The following CABCOCO1 variants were observed in gnomAD, a reference collection of about 807,000 sequenced individuals.
CABCOCO1 encodes ciliary-associated calcium-binding coiled-coil protein 1.
CABCOCO1 carries 28 observed loss-of-function variants against 35.7 expected under a neutral mutation model. The observed-to-expected ratio is 0.78, with a 90% CI of 0.58 to 1.07. CABCOCO1 has a LOEUF of 1.07. CABCOCO1 is among the 50% of genes least tolerant of loss of function. CABCOCO1 has a pLI of 0.00. For synonymous variants in CABCOCO1, 95 were observed against 100.1 expected (o/e 0.95, Z 0.30); for missense variants, 326 against 309.2 (o/e 1.05, Z -0.41).
In CABCOCO1 at chr10:61,678,223, T is replaced by C. The variant is rs191068480; in HGVS notation, c.165-2920T>C. ...ATATATTGGGTCTGTTTCTGGACTT[T>C]CTGCGTATTCCACTGGCCTACTTAT... On this transcript the variant is annotated intron_variant, in intron 2 of 7. Coordinates refer to ENST00000648843, the MANE Select transcript of CABCOCO1 (RefSeq NM_001366906.2). 1.1e-3 allele frequency among the ~76,000 whole-genome samples: 172 copies of C among 152,310 alleles called. 1 individual carries two copies. The highest frequency in any genetic ancestry group is 3.9e-3 in the African/African-American group (163 of 41,572).
At chr10:61,707,015 A>C (rs1218696190) in intron 5 of CABCOCO1, among the ~76,000 whole-genome samples, 1 of 152,120 alleles carries the variant, frequency 6.6e-6, no homozygotes, top group East Asian at 1.9e-4. Context: ...TTTTCGGTGC[A>C]CTATTTTCTC....
intron 2 of CABCOCO1, among the ~76,000 whole-genome samples, chr10:61,676,909 A>G (rs1839528281): frequency 6.6e-6 from 1 of 151,668 alleles, no homozygotes; most frequent in Non-Finnish European, 1.5e-5. Flanking sequence ...AAAATACAAA[A>G]AAAATTTAGC....
At chr10:61,693,492 C>A (rs1305648981) in intron 5 of CABCOCO1, among the ~76,000 whole-genome samples, 2 of 151,932 alleles carry the variant, frequency 1.3e-5, no homozygotes, top group African/African-American at 2.4e-5. Context: ...GAGAAAAAAA[C>A]ATAAATCCCC....
In CABCOCO1 at chr10:61,761,152, G is replaced by A. The variant is rs1273701887; in HGVS notation, c.816+149G>A. ...TAACAGCTTCACATAATTCTCAGTT[G>A]AGTCATCAGAGATTCAGTAAGATCA... On this transcript the variant is annotated intron_variant, in intron 7 of 7. Transcript: ENST00000648843. The A allele has an allele frequency of 3.8e-6, 3 of 790,638 alleles. No individual in the cohort carries two copies. In the African/African-American group the frequency reaches 5.4e-5, roughly 14 times the overall value. 49.0% of individuals were successfully genotyped at this position (790,638 alleles called of 1,614,324 possible). A position where few individuals can be genotyped will look rare whatever the true frequency, so the allele number is the denominator to read the frequency against.
intron 2 of CABCOCO1, among the ~76,000 whole-genome samples, chr10:61,679,468 A>T (rs1227154869): frequency 6.6e-6 from 1 of 152,148 alleles, no homozygotes; most frequent in Non-Finnish European, 1.5e-5. Context: ...CAGGAAATTG[A>T]CTGTTTATAT....
chr10:61,730,150 T>C (rs1187925961), intron 5 of CABCOCO1, among the ~76,000 whole-genome samples: 5 of 142,804 alleles, frequency 3.5e-5, no homozygotes, highest in Admixed American at 3.1e-4. Context: ...GCTCTTGGTT[T>C]CTAAATACCA....
chr10:61,728,018 T>C (rs1254481657), intron 5 of CABCOCO1, among the ~76,000 whole-genome samples: 2 of 152,216 alleles, frequency 1.3e-5, no homozygotes, highest in East Asian at 3.8e-4. Flanking sequence ...ATTTTATTTC[T>C]AGACGCTTAA....
chr10:61,710,374 A>T (rs71507187), intron 5 of CABCOCO1, among the ~76,000 whole-genome samples: 2,368 of 151,892 alleles, frequency 0.016, 38 homozygotes, highest in East Asian at 0.047. Flanking sequence ...TAACTGGAGA[A>T]ACCCTAAGTT....
At chr10:61,672,899 T>A (rs1023526015) in intron 2 of CABCOCO1, among the ~76,000 whole-genome samples, 164 bp downstream of exon 2, 3 of 152,330 alleles carry the variant, frequency 2.0e-5, no homozygotes, top group African/African-American at 4.8e-5. Flanking sequence ...AGTAACTGAC[T>A]TTTGGCACTA....
intron 4 of CABCOCO1, among the ~76,000 whole-genome samples, chr10:61,689,323 A>C (rs1233693498): frequency 2.6e-5 from 4 of 152,180 alleles, no homozygotes; most frequent in African/African-American, 9.6e-5. Context: ...GACTTCACTA[A>C]TCTTGATGTA....
chr10:61,693,371 G>A (rs1452661394), intron 5 of CABCOCO1, among the ~76,000 whole-genome samples: 6 of 151,974 alleles, frequency 3.9e-5, no homozygotes, highest in Admixed American at 3.3e-4. Flanking sequence ...CAGGGCTCTG[G>A]GACCAAATAA....
intron 5 of CABCOCO1, among the ~76,000 whole-genome samples, chr10:61,707,156 AGG>A: frequency 6.6e-6 from 1 of 152,282 alleles, no homozygotes; most frequent in African/African-American, 2.4e-5. Context: ...GAGTAGGTGT[AGG>A]GAGAAATTGG....
At chr10:61,703,285 C>A (rs1044940644) in intron 5 of CABCOCO1, among the ~76,000 whole-genome samples, 6 of 150,494 alleles carry the variant, frequency 4.0e-5, no homozygotes, top group Non-Finnish European at 3.0e-5. Context: ...ACAGCAGGAG[C>A]ACCAAAGAGG....
At chr10:61,708,837 C>T (rs139276020) in intron 5 of CABCOCO1, among the ~76,000 whole-genome samples, 36 of 152,226 alleles carry the variant, frequency 2.4e-4, no homozygotes, top group Middle Eastern at 3.4e-3. Context: ...CAAAATAGGG[C>T]GTACTCCATA....
rs1405147353 is a variant in CABCOCO1, at chr10:61,718,381, G to C, written c.552+27760G>C. Among the ~76,000 whole-genome samples the C allele has an allele frequency of 2.6e-5, 4 of 152,088 alleles. No homozygotes were observed. In the East Asian group the frequency reaches 7.7e-4, roughly 29 times the overall value. On this transcript the variant is annotated intron_variant, in intron 5 of 7. Coordinates refer to ENST00000648843, the MANE Select transcript of CABCOCO1 (RefSeq NM_001366906.2). The stretch of plus-strand genomic sequence containing the variant: ...CAAGTTGTTTGTTTCAGTCCAAAAA[G>C]TAGTCAATTCACTGGAAAATGCTCA...
At chr10:61,752,524 T>G (rs1841810515) in intron 5 of CABCOCO1, among the ~76,000 whole-genome samples, 1 of 152,196 alleles carries the variant, frequency 6.6e-6, no homozygotes, top group Non-Finnish European at 1.5e-5. Flanking sequence ...CATCATGCTT[T>G]CTGCAAATTT....
intron 1 of CABCOCO1, among the ~76,000 whole-genome samples, chr10:61,664,911 G>C (rs1003308710): frequency 1.3e-5 from 2 of 152,106 alleles, no homozygotes; most frequent in Admixed American, 6.5e-5. Flanking sequence ...ATACTGAAAG[G>C]TTCTTCTCAG....
rs759370089 is a variant in CABCOCO1, at chr10:61,690,532, T to C, written c.480-17T>C. 2 of 1,553,944 alleles carry C rather than the reference T, an allele frequency of 1.3e-6. No individual in the cohort carries two copies. The highest frequency in any genetic ancestry group is 1.1e-5 in the South Asian group (1 of 87,000). On this transcript the variant is annotated splice_polypyrimidine_tract_variant and intron_variant, in intron 4 of 7. Transcript: ENST00000648843. ...TGAAATCAACTTATCAGAGTGCACATTTATTTTATATTTCAGCTTATTTCA... is the reference window on the plus strand; with the variant it reads ...TGAAATCAACTTATCAGAGTGCACACTTATTTTATATTTCAGCTTATTTCA...
At chr10:61,682,652 G>C (rs564919591) in intron 3 of CABCOCO1, among the ~76,000 whole-genome samples, 1 of 152,110 alleles carries the variant, frequency 6.6e-6, no homozygotes, top group African/African-American at 2.4e-5. Context: ...ATTAACTTAT[G>C]CCAGTCATAG....
Sources: allele counts gnomAD v4.1 joint callset (sites outside exome capture counted in the v4.1 genomes callset), GRCh38; gene constraint gnomAD v4.1.1; transcripts MANE v1.5; gene names NCBI Gene and HGNC (gene_info 2026-07-23, HGNC 2026-07-21).